The following NRF1 variants were observed in gnomAD, a reference collection of about 807,000 sequenced individuals.
NRF1 encodes the protein alpha palindromic-binding protein.
Under a neutral mutation model 58.5 loss-of-function variants are expected in NRF1, and 5 were observed. The ratio of observed to expected loss-of-function variants is 0.09; its 90% CI spans 0.04 to 0.18. The LOEUF (loss-of-function observed/expected upper bound fraction) is 0.18. Ranked by LOEUF, NRF1 falls within the 10% of genes least tolerant of loss-of-function variation. The pLI, the probability that NRF1 is intolerant of heterozygous loss-of-function variation, is 1.00. For synonymous variants in NRF1, 224 were observed against 246.7 expected, an observed-to-expected ratio of 0.91 and a Z score of 0.86; for missense variants, 288 against 657.7, an observed-to-expected ratio of 0.44 and a Z score of 6.15.
chr7:129,671,734 A>G (rs1355658594), intron 3 of NRF1, among the ~76,000 whole-genome samples, 191 bp downstream of exon 3: 4 of 152,276 alleles, frequency 2.6e-5, no homozygotes. Context: ...GATACGTAAT[A>G]TCACATTAAT....
chr7:129,727,165 A>G (rs1035501632), intron 9 of NRF1, 76 bp from the exon 10 acceptor site: 1 of 1,454,868 alleles, frequency 6.9e-7, no homozygotes, highest in Non-Finnish European at 9.1e-7. Flanking sequence ...CAAGGAAGGC[A>G]TTGAAAGGAT....
intron 3 of NRF1, among the ~76,000 whole-genome samples, chr7:129,676,207 T>G (rs1319248656): frequency 6.6e-6 from 1 of 152,236 alleles, no homozygotes; most frequent in Non-Finnish European, 1.5e-5. Context: ...AATAAAACTG[T>G]TTTGCTTTCT....
rs189367816 is a variant in NRF1 at position 129,651,795 on chromosome 7, G to C, written c.-6-5551G>C. ...TGACTTAGTGTGTTAAATTGTTTTA[G>C]AGTAGTACAAATCTGGGGGCTAGGA... On this transcript the variant is annotated intron_variant, in intron 1 of 10. Transcript: ENST00000393232. 3.3e-5 allele frequency among the ~76,000 whole-genome samples: 5 copies of C among 152,220 alleles called. No homozygotes were observed. In the East Asian group the frequency reaches 9.6e-4, roughly 29 times the overall value.
At chr7:129,717,039 A>G (rs1023596968) in intron 8 of NRF1, among the ~76,000 whole-genome samples, 180 bp from the exon 9 acceptor site, 3 of 152,164 alleles carry the variant, frequency 2.0e-5, no homozygotes, top group African/African-American at 2.4e-5. Flanking sequence ...TATATATTCT[A>G]ATACCCCCTT....
intron 5 of NRF1, among the ~76,000 whole-genome samples, chr7:129,698,021 T>G (rs1003353652): frequency 1.3e-5 from 2 of 152,112 alleles, no homozygotes; most frequent in Non-Finnish European, 2.9e-5. Flanking sequence ...TGTGAGCCAC[T>G]GCACCCAGCC....
chr7:129,746,644 T>C (rs1803982912), intron 10 of NRF1, among the ~76,000 whole-genome samples: 1 of 152,188 alleles, frequency 6.6e-6, no homozygotes, highest in Non-Finnish European at 1.5e-5. Context: ...AGCAATATAA[T>C]CCGGAATTTA....
chr7:129,612,046 C>T (rs1056399643), intron 1 of NRF1, among the ~76,000 whole-genome samples: 3 of 150,002 alleles, frequency 2.0e-5, no homozygotes, highest in Non-Finnish European at 4.5e-5. Flanking sequence ...AGGCCCCAGG[C>T]GTCCTGGCGG....
rs935656062 is a variant in NRF1 at position 129,756,908 on chromosome 7, C to T, written c.*1727C>T. On this transcript the variant is annotated 3_prime_UTR_variant, in exon 11 of 11. Transcript: ENST00000393232. Reference sequence around the variant, plus strand: ...TTTTTATCGTCATTGTGAAGTTGTCCAGGGACTTTAAAGTCCATGTTCCTT... The same window carrying T: ...TTTTTATCGTCATTGTGAAGTTGTCTAGGGACTTTAAAGTCCATGTTCCTT... 6 of 152,120 alleles carry T rather than the reference C, an allele frequency of 3.9e-5. No homozygotes were observed. The highest frequency in any genetic ancestry group is 7.4e-5 in the Non-Finnish European group (5 of 67,978). The allele number at this position is 152,120 out of a possible 1,614,324, so 9.4% of individuals were successfully genotyped here.
chr7:129,698,212 T>G (rs979040019), intron 5 of NRF1, among the ~76,000 whole-genome samples: 1 of 152,046 alleles, frequency 6.6e-6, no homozygotes, highest in Non-Finnish European at 1.5e-5. Context: ...GAAAGCATGA[T>G]TCTTTATTAG....
At chr7:129,628,870 G>A (rs1460234092) in intron 1 of NRF1, among the ~76,000 whole-genome samples, 2 of 152,174 alleles carry the variant, frequency 1.3e-5, no homozygotes, top group African/African-American at 4.8e-5. Flanking sequence ...ACTGATGCAT[G>A]ATTTTGTAAC....
intron 1 of NRF1, among the ~76,000 whole-genome samples, chr7:129,647,178 C>T (rs910481351): frequency 2.0e-5 from 3 of 151,554 alleles, no homozygotes; most frequent in African/African-American, 4.9e-5. Flanking sequence ...GCTGGGATTA[C>T]AGTCATGTGC....
intron 2 of NRF1, among the ~76,000 whole-genome samples, chr7:129,668,929 T>TTCCCC (rs1215885462): frequency 3.9e-5 from 6 of 152,102 alleles, no homozygotes; most frequent in East Asian, 1.9e-4. Flanking sequence ...TTCCTCTCCT[T>TTCCCC]TCCCCTCCCC....
chr7:129,647,824 G>A (rs1801444153), intron 1 of NRF1, among the ~76,000 whole-genome samples: 1 of 152,166 alleles, frequency 6.6e-6, no homozygotes, highest in Non-Finnish European at 1.5e-5. Flanking sequence ...ATACAATTTT[G>A]TTAGTTTTAG....
At position 129,711,562 on chromosome 7, in the gene NRF1, G is replaced by A. The variant is rs755940789; in HGVS notation, c.1051G>A (p.Val351Met). 30 of 1,610,384 alleles carry A rather than the reference G, an allele frequency of 1.9e-5. No homozygotes were observed. Among genetic ancestry groups the A allele is most frequent in the South Asian group, 5.5e-5 (5 of 90,148 alleles). ...CGTTGCCCAAGTGAATTATTCTGCC[G>A]TGGCTGATGGAGAGGTAAGAAAGAG... is the stretch of plus-strand genomic sequence containing the variant. Reference protein sequence around the residue: ...VTVAQVNYSAVADGEVEQNWA... With the variant: ...VTVAQVNYSAMADGEVEQNWA... The change falls in exon 8 of 11, where the codon GTG (valine) becomes ATG (methionine). Residue 351 changes from valine to methionine, a missense_variant. Around this residue, in one of 3 missense-constraint regions of NRF1, gnomAD observed 212 missense variants for 559.7 expected, o/e 0.38. Coordinates refer to ENST00000393232, the MANE Select transcript of NRF1 (RefSeq NM_005011.5).
At chr7:129,744,501 C>T (rs1157056086) in intron 10 of NRF1, among the ~76,000 whole-genome samples, 1 of 152,054 alleles carries the variant, frequency 6.6e-6, no homozygotes, top group African/African-American at 2.4e-5. Context: ...GTGGCTATTC[C>T]CAGACTACAG....
At chr7:129,682,630 T>TAAAAA (rs771494622) in intron 4 of NRF1, among the ~76,000 whole-genome samples, 1 of 87,868 alleles carries the variant, frequency 1.1e-5, no homozygotes. Context: ...CAAAAAAATG[T>TAAAAA]AAAAAAAAAA....
At chr7:129,683,314 T>A (rs1357154977) in intron 4 of NRF1, among the ~76,000 whole-genome samples, 3,459 of 139,830 alleles carry the variant, frequency 0.025, 140 homozygotes, top group African/African-American at 0.086. Context: ...TGTGTGTGTG[T>A]GTGTGTGAGA....
intron 2 of NRF1, among the ~76,000 whole-genome samples, chr7:129,668,534 A>C (rs1257582189): frequency 6.6e-6 from 1 of 152,228 alleles, no homozygotes; most frequent in Non-Finnish European, 1.5e-5. Flanking sequence ...AAATTTATAA[A>C]TCAATCAAAT....
chr7:129,720,463 G>T (rs1803296711), intron 9 of NRF1, among the ~76,000 whole-genome samples: 2 of 152,166 alleles, frequency 1.3e-5, no homozygotes, highest in Non-Finnish European at 2.9e-5. Flanking sequence ...AATACACAGA[G>T]AAATCTGGTC....
Sources: gnomAD v4.1 joint callset for allele counts (sites outside exome capture counted in the v4.1 genomes callset) on GRCh38, gnomAD v4.1.1 for gene constraint, gnomAD v4.1.1 regional missense constraint, MANE v1.5 for transcripts, NCBI Gene and HGNC (gene_info 2026-07-23, HGNC 2026-07-21) for gene names.